KRT9: variants seen among roughly 807,000 people sequenced by gnomAD.
KRT9 encodes keratin 9, also known as keratin, type I cytoskeletal 9.
Under a neutral mutation model 51.4 loss-of-function variants are expected in KRT9, and 34 were observed. The ratio of observed to expected loss-of-function variants is 0.66; its 90% CI spans 0.50 to 0.88. The LOEUF (loss-of-function observed/expected upper bound fraction) is 0.88, where lower values mean the gene tolerates loss of function less well. KRT9 is among the 40% of genes least tolerant of loss of function. The pLI, the probability that KRT9 is intolerant of heterozygous loss-of-function variation, is 0.00. For synonymous variants in KRT9, 292 were observed against 289.7 expected, an observed-to-expected ratio of 1.01 and a Z score of -0.08; for missense variants, 753 against 790.3, an observed-to-expected ratio of 0.95 and a Z score of 0.57.
In KRT9 at chr17:41,567,863, G is replaced by A. The variant is rs1006700353; in HGVS notation, c.1395-113C>T. Reference sequence around the variant, plus strand: ...CATGAATCTTTCTGTTTTCCTTCCTGGGAGGCAGAGGACAGAGTCTGGGCG... The same window carrying A: ...CATGAATCTTTCTGTTTTCCTTCCTAGGAGGCAGAGGACAGAGTCTGGGCG... On this transcript the variant is annotated intron_variant, in intron 6 of 7. Transcript: ENST00000246662. The A allele has an allele frequency of 3.2e-6, 5 of 1,561,928 alleles. No homozygotes were observed. In the African/African-American group the frequency reaches 6.8e-5, roughly 21 times the overall value.
Position 41,571,605 on chromosome 17 carries a change from C to G in KRT9, c.388G>C (p.Gly130Arg). The G allele has an allele frequency of 6.2e-7, 1 of 1,606,490 alleles. No homozygotes were observed. Among genetic ancestry groups the G allele is most frequent in the Non-Finnish European group, 8.5e-7 (1 of 1,176,028 alleles). The change falls in exon 1 of 8, where the codon GGG becomes CGG. Residue 130 changes from glycine (G) to arginine (R), a missense_variant. By Grantham distance (125) the Gly-to-Arg change is moderately radical. Around this residue, in one of 3 missense-constraint regions of KRT9, gnomAD observed 241 missense variants for 210.3 expected, o/e 1.15. Coordinates refer to ENST00000246662, the MANE Select transcript of KRT9 (RefSeq NM_000226.4). ...GGGFGGGYGS[G>R]FGGFGGFGGG... The stretch of plus-strand genomic sequence containing the variant: ...CCAAAGCCCCCAAACCCCCCAAACC[C>G]ACTCCCATAGCCACCACCAAAGCCA...
chr17:41,570,174 T>A lies in KRT9; in HGVS notation c.689A>T (p.Asp230Val), dbSNP rs1907033101. The A allele has an allele frequency of 6.2e-7, 1 of 1,613,912 alleles. No homozygotes were observed. Among genetic ancestry groups the A allele is most frequent in the Non-Finnish European group, 8.5e-7 (1 of 1,180,010 alleles). ...VGNNKTLLDI[D>V]NTRMTLDDFR... is the part of the protein sequence containing the mutation. ...GTCATCCAGTGTCATGCGAGTGTTGTCAATGTCCAGGAGAGTTTTGTTGTT... is the reference window on the plus strand; with the variant it reads ...GTCATCCAGTGTCATGCGAGTGTTGACAATGTCCAGGAGAGTTTTGTTGTT... The change falls in exon 2 of 8, where the codon GAC becomes GTC. Residue 230 changes from aspartate (D) to valine (V), a missense_variant. Coordinates refer to ENST00000246662, the MANE Select transcript of KRT9 (RefSeq NM_000226.4).
rs771811498 is a variant in KRT9 at position 41,570,148 on chromosome 17, A to G, written c.715T>C (p.Phe239Leu). Reference protein sequence around the residue: ...IDNTRMTLDDFRIKFEMEQNL... With the variant: ...IDNTRMTLDDLRIKFEMEQNL... ...AGGAGCAGGACTCACTTTATCCTGA[A>G]GTCATCCAGTGTCATGCGAGTGTTG... The change falls in exon 2 of 8, where the codon TTC (phenylalanine) becomes CTC (leucine). Residue 239 changes from phenylalanine (F) to leucine (L), a missense_variant. Coordinates refer to ENST00000246662, the MANE Select transcript of KRT9 (RefSeq NM_000226.4). 7 of 1,614,062 alleles carry G rather than the reference A, an allele frequency of 4.3e-6. No individual in the cohort carries two copies. The South Asian group carries it at 6.6e-5, about 15-fold the overall frequency.
At chr17:41,570,274 G>T in intron 1 of KRT9, 54 bp from the exon 2 acceptor site, 1 of 1,487,920 alleles carries the variant, frequency 6.7e-7, no homozygotes, top group Non-Finnish European at 9.4e-7. Flanking sequence ...CTGCTGAGAG[G>T]GCAAGAGGCC....
At chr17:41,567,001 C>G (rs1260170074) in intron 7 of KRT9, among the ~76,000 whole-genome samples, 2 of 152,164 alleles carry the variant, frequency 1.3e-5, no homozygotes, top group Non-Finnish European at 2.9e-5. Flanking sequence ...CAACCCATCT[C>G]CTACACTACT....
In KRT9 at chr17:41,569,410, A is replaced by AGCC. The variant is rs1473630561; in HGVS notation, c.1044+13_1044+15dup. ...ATGGAGGGGAGGAGGATGAATGGGC[A>AGCC]GCCCACTCTGCTCACCTGAGTCTCA... On this transcript the variant is annotated intron_variant, in intron 4 of 7. Coordinates refer to ENST00000246662, the MANE Select transcript of KRT9 (RefSeq NM_000226.4). The AGCC allele has an allele frequency of 5.0e-6, 8 of 1,612,736 alleles. No homozygotes were observed. The highest frequency in any genetic ancestry group is 5.9e-6 in the Non-Finnish European group (7 of 1,179,378).
rs760668313 is a variant in KRT9, at chr17:41,568,320, G to A, written c.1236C>T (p.Ile412=). 10 of 1,614,068 alleles carry A rather than the reference G, an allele frequency of 6.2e-6. No homozygotes were observed. The highest frequency in any genetic ancestry group is 5.3e-5 in the African/African-American group (4 of 74,914). ...CCTCCAAGTTACTGATCTGCTCCTG[G>A]ATCATCTGCAGCTGGCCACAGTAGC... ...KNRYCGQLQM[I]QEQISNLEAQ... Residue 412 remains isoleucine, a synonymous_variant, in exon 6 of 8, where the codon ATC becomes ATT. Coordinates refer to ENST00000246662, the MANE Select transcript of KRT9 (RefSeq NM_000226.4).
rs1387960631 is a variant in KRT9, at chr17:41,571,379, T to C, written c.614A>G (p.Tyr205Cys). The change falls in exon 1 of 8, where the codon TAT becomes TGT. Residue 205 changes from tyrosine to cysteine, a missense_variant. Tyr to Cys is a radical substitution (Grantham distance 194). Coordinates refer to ENST00000246662, the MANE Select transcript of KRT9 (RefSeq NM_000226.4). The part of the protein sequence containing the change: ...AAIQKNYSPY[Y>C]NTIDDLKDQI... The stretch of plus-strand genomic sequence containing the variant: ...GTCCTTGAGATCATCAATAGTGTTA[T>C]AATAAGGGGAGTAGTTCTTCTGGAT... 4 of 1,614,066 alleles carry C rather than the reference T, an allele frequency of 2.5e-6. No individual in the cohort carries two copies. Among genetic ancestry groups the C allele is most frequent in the Non-Finnish European group, 3.4e-6 (4 of 1,179,988 alleles).
intron 7 of KRT9, among the ~76,000 whole-genome samples, 165 bp from the exon 8 acceptor site, chr17:41,566,317 G>A (rs532937223): frequency 9.9e-5 from 15 of 152,262 alleles, no homozygotes; most frequent in African/African-American, 3.6e-4. Flanking sequence ...CCAATCTACT[G>A]GTCCCCATCT....
At chr17:41,566,273 G>A (rs8071388) in intron 7 of KRT9, 121 bp from the exon 8 acceptor site, 81,599 of 152,966 alleles carry the variant, frequency 0.53, 22,964 homozygotes, top group East Asian at 0.95. Context: ...TCAAAGAGCT[G>A]GACAATCCTG....
At chr17:41,569,073 T>C (rs1195884062) in intron 4 of KRT9, among the ~76,000 whole-genome samples, 1 of 152,226 alleles carries the variant, frequency 6.6e-6, no homozygotes, top group African/African-American at 2.4e-5. Context: ...ATCCCTCTGC[T>C]ATAGTCTTAC....
chr17:41,566,332 C>T (rs1270593127), intron 7 of KRT9, among the ~76,000 whole-genome samples, 180 bp from the exon 8 acceptor site: 2 of 152,136 alleles, frequency 1.3e-5, no homozygotes, highest in African/African-American at 4.8e-5. Context: ...CCATCTAATT[C>T]CTGAATCTCT....
chr17:41,570,705 T>A (rs1010064679), intron 1 of KRT9, among the ~76,000 whole-genome samples: 1 of 151,566 alleles, frequency 6.6e-6, no homozygotes, highest in South Asian at 2.1e-4. Flanking sequence ...CATGCAGGAG[T>A]TAAAACAAGA....
At chr17:41,569,756 C>G (rs915692341) in intron 3 of KRT9, 103 bp downstream of exon 3, 72 of 1,525,914 alleles carry the variant, frequency 4.7e-5, no homozygotes, top group Middle Eastern at 1.7e-4. Context: ...TCCTCAAGAG[C>G]AAAGGAGAGG....
chr17:41,568,970 C>A (rs532193921), intron 4 of KRT9, among the ~76,000 whole-genome samples: 42 of 150,828 alleles, frequency 2.8e-4, no homozygotes, highest in African/African-American at 1.0e-3. Flanking sequence ...CAGACCATGC[C>A]TTCATGTATG....
chr17:41,569,263 T>C (rs1184965799), intron 4 of KRT9, among the ~76,000 whole-genome samples, 163 bp downstream of exon 4: 2 of 152,200 alleles, frequency 1.3e-5, no homozygotes, highest in Admixed American at 6.5e-5. Flanking sequence ...GATGTTTGTA[T>C]GCAGTGAATG....
chr17:41,571,394 T>G lies in KRT9; in HGVS notation c.599A>C (p.Asn200Thr). The G allele has an allele frequency of 1.2e-6, 2 of 1,614,116 alleles. No homozygotes were observed. Among genetic ancestry groups the G allele is most frequent in the Non-Finnish European group, 1.7e-6 (2 of 1,180,014 alleles). The change falls in exon 1 of 8, where the codon AAC becomes ACC. Residue 200 changes from asparagine to threonine, a missense_variant. By Grantham distance (65) the Asn-to-Thr change is moderately conservative. Around this residue, in one of 3 missense-constraint regions of KRT9, gnomAD observed 507 missense variants for 563.7 expected, o/e 0.90. Transcript: ENST00000246662. ...AATAGTGTTATAATAAGGGGAGTAG[T>G]TCTTCTGGATAGCAGCAGGTCCCTT... is the stretch of plus-strand genomic sequence containing the variant. ...DKKGPAAIQK[N>T]YSPYYNTIDD...
rs780497214 is a variant in KRT9, at chr17:41,568,354, G to C, written c.1202C>G (p.Thr401Arg). The C allele has an allele frequency of 6.2e-7, 1 of 1,614,148 alleles. No individual in the cohort carries two copies. Among genetic ancestry groups the C allele is most frequent in the South Asian group, 1.1e-5 (1 of 91,082 alleles). Residue 401 changes from threonine (T) to arginine (R), a missense_variant, in exon 6 of 8, where the codon ACG becomes AGG. By Grantham distance (71) the Thr-to-Arg change is moderately conservative. Coordinates refer to ENST00000246662, the MANE Select transcript of KRT9 (RefSeq NM_000226.4). ...KAALEKSLED[T>R]KNRYCGQLQM... is the part of the protein sequence containing the mutation. ...CAGCTGGCCACAGTAGCGGTTCTTCGTGTCTTCCAAGCTCTTCTCCAGAGC... is the reference window on the plus strand; with the variant it reads ...CAGCTGGCCACAGTAGCGGTTCTTCCTGTCTTCCAAGCTCTTCTCCAGAGC...
At chr17:41,570,811 G>A (rs772568970) in intron 1 of KRT9, among the ~76,000 whole-genome samples, 1 of 152,134 alleles carries the variant, frequency 6.6e-6, no homozygotes, top group African/African-American at 2.4e-5. Flanking sequence ...CTGAGGGTAG[G>A]CACTCACTGA....
Sources: allele counts gnomAD v4.1 joint callset (sites outside exome capture counted in the v4.1 genomes callset), GRCh38; gene constraint gnomAD v4.1.1; regional missense constraint gnomAD v4.1.1; transcripts MANE v1.5; gene names NCBI Gene and HGNC (gene_info 2026-07-23, HGNC 2026-07-21).